Variants in AGMO observed in about 807,000 individuals in gnomAD.
The protein encoded by AGMO is alkylglycerol monooxygenase, also known as glyceryl-ether monooxygenase.
AGMO carries 75 observed loss-of-function variants against 60.2 expected under a neutral mutation model. The observed-to-expected ratio is 1.25, with a 90% CI of 1.03 to 1.51. The LOEUF is 1.51. Among genes scored for constraint, AGMO ranks in the 40% most tolerant of loss-of-function variants. The pLI is 0.00. For missense variants in AGMO, 763 were observed against 525.5 expected (o/e 1.45, Z -4.42); for synonymous variants, 261 against 177.1 (o/e 1.47, Z -3.76).
intron 12 of AGMO, among the ~76,000 whole-genome samples, chr7:15,340,628 C>G (rs1469577225): frequency 1.1e-4 from 17 of 152,140 alleles, no homozygotes; most frequent in Non-Finnish European, 2.5e-4. Context: ...GGTGCCAGCC[C>G]CAAGCCTTGG....
intron 12 of AGMO, among the ~76,000 whole-genome samples, chr7:15,331,080 A>T (rs1455611067): frequency 6.6e-6 from 1 of 152,094 alleles, no homozygotes; most frequent in African/African-American, 2.4e-5. Flanking sequence ...TTGGGCAATC[A>T]AGCAGAGAGA....
chr7:15,518,326 G>C (rs1783879848), intron 3 of AGMO, among the ~76,000 whole-genome samples: 1 of 152,166 alleles, frequency 6.6e-6, no homozygotes, highest in Non-Finnish European at 1.5e-5. Context: ...TCTGCTAAGG[G>C]ACAGACTGTC....
chr7:15,426,508 G>C (rs1010139999), intron 4 of AGMO, among the ~76,000 whole-genome samples: 18 of 152,186 alleles, frequency 1.2e-4, no homozygotes, highest in South Asian at 6.2e-4. Flanking sequence ...CACCACTTTG[G>C]GGGGCTGAGG....
At chr7:15,414,703 C>A (rs1467192558) in intron 5 of AGMO, among the ~76,000 whole-genome samples, 1 of 152,062 alleles carries the variant, frequency 6.6e-6, no homozygotes. Context: ...TGACAAAAAT[C>A]CTAGAGAAAA....
chr7:15,518,141 C>A (rs1783873352), intron 3 of AGMO, among the ~76,000 whole-genome samples: 1 of 152,126 alleles, frequency 6.6e-6, no homozygotes, highest in Non-Finnish European at 1.5e-5. Flanking sequence ...CAGGGCATCT[C>A]CGAAAGAAAG....
chr7:15,309,458 G>GA (rs775729344), intron 12 of AGMO, among the ~76,000 whole-genome samples: 1 of 152,068 alleles, frequency 6.6e-6, no homozygotes, highest in Non-Finnish European at 1.5e-5. Flanking sequence ...AGCCAACTTT[G>GA]AAGTCCAGTG....
intron 12 of AGMO, among the ~76,000 whole-genome samples, chr7:15,216,833 AGTGT>A (rs1181410197): frequency 5.2e-4 from 77 of 147,106 alleles, no homozygotes; most frequent in Middle Eastern, 3.5e-3. Context: ...TGAAAGAAAA[AGTGT>A]GTGTGTGTGT....
chr7:15,222,884 T>C (rs1039086856), intron 12 of AGMO, among the ~76,000 whole-genome samples: 2 of 151,976 alleles, frequency 1.3e-5, no homozygotes, highest in African/African-American at 4.8e-5. Flanking sequence ...GTAACAAAAA[T>C]ATCATCAATG....
chr7:15,198,251 G>GAC (rs1364132776), downstream of AGMO, among the ~76,000 whole-genome samples: 339 of 73,978 alleles, frequency 4.6e-3, 2 homozygotes, highest in African/African-American at 7.8e-3. Flanking sequence ...GAGAGAGAGA[G>GAC]AGAGACAGAG....
rs73679477 is a variant in AGMO, at chr7:15,342,811, C to A, written c.1263+22703G>T. On this transcript the variant is annotated intron_variant, in intron 12 of 12. Coordinates refer to ENST00000342526, the MANE Select transcript of AGMO (RefSeq NM_001004320.2). ...AAAAAAAAAAAAAAAAAAAATTGAT[C>A]TGAATTCTACCTCTACAACTTATGA... is the stretch of plus-strand genomic sequence containing the variant. Among the ~76,000 whole-genome samples the A allele has an allele frequency of 7.4e-3, 782 of 106,304 alleles. 28 individuals are homozygous for A. Among genetic ancestry groups the A allele is most frequent in the African/African-American group, 0.029 (743 of 25,946 alleles). 69.7% of individuals were successfully genotyped at this position (106,304 alleles called of 152,430 possible).
At chr7:15,281,113 A>G (rs1331652263) in intron 12 of AGMO, among the ~76,000 whole-genome samples, 1 of 152,112 alleles carries the variant, frequency 6.6e-6, no homozygotes, top group Non-Finnish European at 1.5e-5. Flanking sequence ...CCCATGGGAC[A>G]AAAGAATCCA....
chr7:15,341,937 A>C (rs867665570), intron 12 of AGMO, among the ~76,000 whole-genome samples: 15 of 152,012 alleles, frequency 9.9e-5, no homozygotes, highest in East Asian at 3.9e-4. Context: ...TGATTCAATT[A>C]TCTCTCACCG....
rs1783756221 is a variant in AGMO, at chr7:15,514,411, C to T, written c.409+30361G>A. On this transcript the variant is annotated intron_variant, in intron 3 of 12. Transcript: ENST00000342526. ...CGTAGTATGAATATGGTATTTAGTA[C>T]CAGCCACTGAACACACAATGATTTC... Among the ~76,000 whole-genome samples, 2 of 152,076 alleles carry T rather than the reference C, an allele frequency of 1.3e-5. 1 individual carries two copies. The highest frequency in any genetic ancestry group is 2.9e-5 in the Non-Finnish European group (2 of 68,028).
intron 12 of AGMO, among the ~76,000 whole-genome samples, chr7:15,319,789 AATT>A (rs926644824): frequency 6.6e-6 from 1 of 152,250 alleles, no homozygotes; most frequent in African/African-American, 2.4e-5. Flanking sequence ...TATTTGACAT[AATT>A]ATTATTATAT....
intron 3 of AGMO, among the ~76,000 whole-genome samples, chr7:15,445,372 T>C (rs562218061): frequency 2.0e-5 from 3 of 152,270 alleles, no homozygotes; most frequent in Admixed American, 2.0e-4. Context: ...TCAAAGGATA[T>C]TTTCTTCTAT....
At position 15,387,528 on chromosome 7, in the gene AGMO, A is replaced by G. The variant is rs58564185; in HGVS notation, c.835T>C (p.Phe279Leu). The change falls in exon 9 of 13, where the codon TTT becomes CTT. Residue 279 changes from phenylalanine to leucine, a missense_variant. Phe to Leu is a conservative substitution (Grantham distance 22, BLOSUM62 0). Transcript: ENST00000342526. ...GCCCAGAATGTAGTCCATATGGAAA[A>G]TAAGTGATGGAACTAGAAACAATAA... ...EPIKVQFHHL[F>L]SIWTTFWATP... 23,263 of 1,610,714 alleles carry G rather than the reference A, an allele frequency of 0.014. 2,714 individuals are homozygous for G. In the African/African-American group the frequency reaches 0.26, roughly 18 times the overall value.
chr7:15,555,338 T>C (rs924122321), intron 2 of AGMO, among the ~76,000 whole-genome samples: 7 of 126,330 alleles, frequency 5.5e-5, no homozygotes, highest in South Asian at 5.3e-4. Flanking sequence ...CACACACACA[T>C]ATGTAAAGAG....
the AGMO span, among the ~76,000 whole-genome samples, chr7:15,184,655 GGGAAGGAAGGAAAA>G: frequency 7.8e-5 from 1 of 12,872 alleles, no homozygotes; most frequent in Non-Finnish European, 1.2e-4. Context: ...GAGGAAGGGA[GGGAAGGAAGGAAAA>G]GGAGGGAGGG....
intron 3 of AGMO, among the ~76,000 whole-genome samples, chr7:15,534,390 A>G (rs1233844051): frequency 6.6e-6 from 1 of 152,056 alleles, no homozygotes; most frequent in Non-Finnish European, 1.5e-5. Flanking sequence ...GATAAGTTTG[A>G]TTTACTAGAA....
Sources: gnomAD v4.1 joint callset for allele counts (sites outside exome capture counted in the v4.1 genomes callset) on GRCh38, gnomAD v4.1.1 for gene constraint, MANE v1.5 for transcripts, NCBI Gene and HGNC (gene_info 2026-07-23, HGNC 2026-07-21) for gene names.